Variants in CERS6 observed in about 807,000 individuals in gnomAD.
CERS6 encodes LAG1 homolog, ceramide synthase 6.
Under a neutral mutation model 56.8 loss-of-function variants are expected in CERS6, and 26 were observed. The observed-to-expected ratio is 0.46, with a 90% CI of 0.34 to 0.63. CERS6 has a LOEUF of 0.63. Ranked by LOEUF, CERS6 falls within the 30% of genes least tolerant of loss-of-function variation. The probability of loss-of-function intolerance (pLI) is 0.01; values close to 1 mark genes in which losing one functional copy is unlikely to be tolerated. For missense variants in CERS6, 415 were observed against 467.5 expected, an observed-to-expected ratio of 0.89 and a Z score of 1.04; for synonymous variants, 164 against 173.3, an observed-to-expected ratio of 0.95 and a Z score of 0.42.
Position 168,733,006 on chromosome 2 carries a change from T to C in CERS6, c.845+15028T>C, listed in dbSNP as rs145370000. Among the ~76,000 whole-genome samples the C allele has an allele frequency of 7.9e-5, 12 of 152,324 alleles. No individual in the cohort carries two copies. The East Asian group carries it at 1.9e-3, about 24-fold the overall frequency. On this transcript the variant is annotated intron_variant, in intron 8 of 9. Coordinates refer to ENST00000305747, the MANE Select transcript of CERS6 (RefSeq NM_203463.3). ...TACAGTGATGCCGAGTTGTGCTTAA[T>C]ATGATCTACATCAGATAAGTATCAC... is the stretch of plus-strand genomic sequence containing the variant.
chr2:168,625,290 A>G (rs1045462157), intron 3 of CERS6, among the ~76,000 whole-genome samples: 3 of 152,156 alleles, frequency 2.0e-5, no homozygotes, highest in African/African-American at 4.8e-5. Context: ...AGAGTTGACT[A>G]TTTTTTATTC....
intron 4 of CERS6, among the ~76,000 whole-genome samples, chr2:168,653,453 G>A (rs1281569456): frequency 6.6e-6 from 1 of 152,192 alleles, no homozygotes; most frequent in African/African-American, 2.4e-5. Context: ...GTAACACAAT[G>A]AAGGATTCTA....
At chr2:168,532,178 C>A (rs1371006100) in intron 1 of CERS6, among the ~76,000 whole-genome samples, 1 of 152,174 alleles carries the variant, frequency 6.6e-6, no homozygotes, top group Non-Finnish European at 1.5e-5. Context: ...TCTTACTGCA[C>A]ACTACTCTGC....
At chr2:168,729,518 A>C (rs970149698) in intron 8 of CERS6, among the ~76,000 whole-genome samples, 1 of 152,142 alleles carries the variant, frequency 6.6e-6, no homozygotes, top group Non-Finnish European at 1.5e-5. Context: ...TCAGCCTTGG[A>C]CTGCCATGTG....
chr2:168,750,061 A>G (rs866925727), intron 8 of CERS6, among the ~76,000 whole-genome samples: 1 of 152,216 alleles, frequency 6.6e-6, no homozygotes, highest in Non-Finnish European at 1.5e-5. Context: ...TGGCTTGGCA[A>G]TGGCAATGGC....
chr2:168,749,783 G>A lies in CERS6; in HGVS notation c.846-15809G>A, dbSNP rs574757185. On this transcript the variant is annotated intron_variant, in intron 8 of 9. Coordinates refer to ENST00000305747, the MANE Select transcript of CERS6 (RefSeq NM_203463.3). The stretch of plus-strand genomic sequence containing the variant: ...GAGGCTTAGTCCACAAGGCTTCTTG[G>A]CTTTGCCCAGGAAAAAAATTCAAGG... 2.6e-5 allele frequency among the ~76,000 whole-genome samples: 4 copies of A among 152,274 alleles called. No individual in the cohort carries two copies. In the South Asian group the frequency reaches 8.3e-4, roughly 32 times the overall value.
chr2:168,608,407 A>C (rs1008654564), intron 3 of CERS6, among the ~76,000 whole-genome samples: 2 of 152,234 alleles, frequency 1.3e-5, no homozygotes, highest in Non-Finnish European at 2.9e-5. Flanking sequence ...TTACTGAGTC[A>C]TATGATAAAT....
At chr2:168,697,010 A>G (rs1384725192) in intron 6 of CERS6, among the ~76,000 whole-genome samples, 2 of 152,156 alleles carry the variant, frequency 1.3e-5, no homozygotes, top group African/African-American at 2.4e-5. Context: ...TGGTTAAATC[A>G]GTAATCTGCT....
intron 1 of CERS6, among the ~76,000 whole-genome samples, chr2:168,520,985 T>C (rs1694968275): frequency 6.6e-6 from 1 of 150,788 alleles, no homozygotes; most frequent in African/African-American, 2.4e-5. Flanking sequence ...AACATTAATA[T>C]TATTTGTTTG....
chr2:168,763,157 G>T (rs1684626876), intron 8 of CERS6, among the ~76,000 whole-genome samples: 1 of 151,942 alleles, frequency 6.6e-6, no homozygotes, highest in Non-Finnish European at 1.5e-5. Flanking sequence ...GATTACAGGA[G>T]TGAGGCAGTG....
intron 3 of CERS6, among the ~76,000 whole-genome samples, chr2:168,591,221 T>G (rs1480811290): frequency 4.6e-5 from 7 of 152,250 alleles, no homozygotes; most frequent in Non-Finnish European, 8.8e-5. Context: ...ACTAAACTTC[T>G]TAAAAAGATA....
At chr2:168,747,852 C>CACACAT (rs1553515920) in intron 8 of CERS6, among the ~76,000 whole-genome samples, 1 of 151,820 alleles carries the variant, frequency 6.6e-6, no homozygotes, top group Non-Finnish European at 1.5e-5. Flanking sequence ...CACACACACA[C>CACACAT]ACACGCATTT....
intron 8 of CERS6, among the ~76,000 whole-genome samples, chr2:168,732,313 C>G (rs1311853634): frequency 3.3e-5 from 5 of 152,170 alleles, no homozygotes; most frequent in African/African-American, 1.2e-4. Flanking sequence ...GGGCTAGGAC[C>G]ACATCTCATT....
intron 8 of CERS6, among the ~76,000 whole-genome samples, chr2:168,740,526 T>C (rs1036476212): frequency 6.6e-6 from 1 of 152,142 alleles, no homozygotes; most frequent in Admixed American, 6.5e-5. Flanking sequence ...TGGTGAGCAT[T>C]ATGAAGACGT....
At chr2:168,470,177 A>G (rs913676152) in intron 1 of CERS6, among the ~76,000 whole-genome samples, 5 of 146,294 alleles carry the variant, frequency 3.4e-5, no homozygotes, top group Non-Finnish European at 6.0e-5. Context: ...TTTGAGACCA[A>G]CCTGAGCAAC....
intron 8 of CERS6, among the ~76,000 whole-genome samples, chr2:168,739,777 G>A (rs113243554): frequency 6.8e-4 from 102 of 150,732 alleles, no homozygotes; most frequent in African/African-American, 2.4e-3. Context: ...ACAGAGTCTC[G>A]CTCTGTCACC....
chr2:168,480,482 G>C (rs1694158902), intron 1 of CERS6, among the ~76,000 whole-genome samples: 1 of 152,166 alleles, frequency 6.6e-6, no homozygotes, highest in Non-Finnish European at 1.5e-5. Context: ...GAAAAAAACA[G>C]ACCTAGAGAG....
intron 3 of CERS6, among the ~76,000 whole-genome samples, chr2:168,626,844 A>G (rs1433119001): frequency 6.6e-6 from 1 of 152,024 alleles, no homozygotes; most frequent in Non-Finnish European, 1.5e-5. Context: ...TCCTCCACAG[A>G]TCGTTTAGGA....
At chr2:168,507,737 T>C (rs1005780615) in intron 1 of CERS6, among the ~76,000 whole-genome samples, 16 of 152,218 alleles carry the variant, frequency 1.1e-4, no homozygotes, top group Non-Finnish European at 2.4e-4. Flanking sequence ...TCAACTACCC[T>C]AAGATGATAG....
Sources: gnomAD v4.1 joint callset for allele counts (sites outside exome capture counted in the v4.1 genomes callset) on GRCh38, gnomAD v4.1.1 for gene constraint, MANE v1.5 for transcripts, NCBI Gene and HGNC (gene_info 2026-07-23, HGNC 2026-07-21) for gene names.